The following AK7 variants were observed in gnomAD, a reference collection of about 807,000 sequenced individuals.
The protein encoded by AK7 is ATP-AMP transphosphorylase 7.
A neutral mutation model predicts 96.6 loss-of-function variants in AK7; 78 were observed. The ratio of observed to expected loss-of-function variants is 0.81; its 90% CI spans 0.67 to 0.97. AK7 has a LOEUF of 0.97. AK7 is among the 50% of genes least tolerant of loss of function. AK7 has a pLI of 0.00. For missense variants in AK7, 855 were observed against 887.9 expected (o/e 0.96, Z 0.47); for synonymous variants, 302 against 317.2 (o/e 0.95, Z 0.51).
chr14:96,456,285 A>G (rs905869520), intron 10 of AK7, 62 bp from the exon 11 acceptor site: 60 of 1,406,288 alleles, frequency 4.3e-5, no homozygotes, highest in Non-Finnish European at 5.5e-5. Context: ...ATAAAAAACC[A>G]CTCTGTCTAG....
chr14:96,482,250 C>T (rs1047137515), intron 15 of AK7, among the ~76,000 whole-genome samples: 1 of 152,044 alleles, frequency 6.6e-6, no homozygotes. Flanking sequence ...CAAAACAAAA[C>T]AATAAAAAAC....
At chr14:96,442,927 T>C (rs1043281630) in intron 7 of AK7, 109 bp downstream of exon 7, 1 of 978,232 alleles carries the variant, frequency 1.0e-6, no homozygotes, top group Non-Finnish European at 1.6e-6. Flanking sequence ...ACATGGATTA[T>C]TGTGTTCATT....
chr14:96,420,425 G>A (rs1396793399), intron 4 of AK7, among the ~76,000 whole-genome samples: 1 of 151,934 alleles, frequency 6.6e-6, no homozygotes, highest in Non-Finnish European at 1.5e-5. Context: ...AACCTGGGAG[G>A]TGGAGGTTGC....
intron 12 of AK7, among the ~76,000 whole-genome samples, chr14:96,468,872 GC>G (rs1486695166): frequency 1.3e-5 from 2 of 151,244 alleles, no homozygotes; most frequent in African/African-American, 4.9e-5. Flanking sequence ...ATTTTTAAAA[GC>G]TATGTAGGAG....
Position 96,478,611 on chromosome 14 carries a change from G to C in AK7, c.1702G>C (p.Glu568Gln). The C allele has an allele frequency of 6.2e-7, 1 of 1,614,188 alleles. No homozygotes were observed. The highest frequency in any genetic ancestry group is 1.1e-5 in the South Asian group (1 of 91,078). Residue 568 changes from glutamate (E) to glutamine (Q), a missense_variant, in exon 15 of 18, where the codon GAG becomes CAG. Transcript: ENST00000267584. ...CTACCGGGACATCAATATCGACGAT[G>C]AGACTGTCTTCAACTATTTTGATGA... ...SNYRDINIDD[E>Q]TVFNYFDELE...
chr14:96,446,169 G>GGTCCTGCTGGGGGCCT (rs1893220281), intron 7 of AK7, among the ~76,000 whole-genome samples: 1 of 142,694 alleles, frequency 7.0e-6, no homozygotes, highest in African/African-American at 3.0e-5. Flanking sequence ...CATAAACTGG[G>GGTCCTGCTGGGGGCCT]GTCCTGCTGG....
At chr14:96,484,979 T>C (rs1233196777) in intron 16 of AK7, among the ~76,000 whole-genome samples, 1 of 152,178 alleles carries the variant, frequency 6.6e-6, no homozygotes, top group Non-Finnish European at 1.5e-5. Flanking sequence ...CACACATCTT[T>C]GGGTGCCTGA....
chr14:96,427,320 G>A (rs1226699360), intron 5 of AK7, among the ~76,000 whole-genome samples: 1 of 152,188 alleles, frequency 6.6e-6, no homozygotes, highest in Non-Finnish European at 1.5e-5. Flanking sequence ...GCATGTTTGG[G>A]GAGGCCTCAG....
At chr14:96,449,405 C>T (rs1404996620) in intron 8 of AK7, among the ~76,000 whole-genome samples, 2 of 151,244 alleles carry the variant, frequency 1.3e-5, no homozygotes, top group Non-Finnish European at 2.9e-5. Context: ...CAATTATGTT[C>T]ACATTCATTT....
intron 12 of AK7, among the ~76,000 whole-genome samples, chr14:96,465,835 C>A (rs552478875): frequency 7.6e-4 from 115 of 151,952 alleles, no homozygotes; most frequent in Non-Finnish European, 1.5e-3. Flanking sequence ...GATGGTGAAA[C>A]CCTGTCTCTA....
At position 96,483,146 on chromosome 14, in the gene AK7, C is replaced by A; in HGVS notation, c.1901C>A (p.Ala634Asp). The change falls in exon 16 of 18, where the codon GCT (alanine) becomes GAT (aspartate). Residue 634 changes from alanine (A) to aspartate (D), a missense_variant. By Grantham distance (126) the Ala-to-Asp change is moderately radical. Coordinates refer to ENST00000267584, the MANE Select transcript of AK7 (RefSeq NM_152327.5). ...KAAEERLARE[A>D]AEEAEREHQE... ...GCGGAGGAGCGGCTGGCCAGGGAGG[C>A]TGCTGAGGAAGCAGAACGCGAGCAC... 2 of 1,613,932 alleles carry A rather than the reference C, an allele frequency of 1.2e-6. No individual in the cohort carries two copies. The highest frequency in any genetic ancestry group is 1.7e-6 in the Non-Finnish European group (2 of 1,179,968).
At chr14:96,419,401 G>A (rs1268332804) in intron 4 of AK7, among the ~76,000 whole-genome samples, 1 of 152,200 alleles carries the variant, frequency 6.6e-6, no homozygotes, top group Non-Finnish European at 1.5e-5. Context: ...AGGCCAAGGA[G>A]GGGGGATTGC....
intron 6 of AK7, among the ~76,000 whole-genome samples, chr14:96,442,303 G>A (rs923841999): frequency 2.0e-5 from 3 of 152,142 alleles, no homozygotes; most frequent in African/African-American, 7.2e-5. Context: ...CTACTGGTGG[G>A]GGTAATTTTA....
rs59424847 is a variant in AK7 at position 96,483,410 on chromosome 14, G to GT, written c.1974+204dup. ...AAGGATATCCATGGTCTTTTGCTTA[G>GT]TTTTTTTTTTTTTCTTTTTCTTTTT... On this transcript the variant is annotated intron_variant, in intron 16 of 17. Transcript: ENST00000267584. Among the ~76,000 whole-genome samples the GT allele has an allele frequency of 4.6e-3, 673 of 146,258 alleles. 2 individuals carry two copies. The highest frequency in any genetic ancestry group is 6.1e-3 in the African/African-American group (244 of 40,134).
chr14:96,480,877 A>T (rs1014689210), intron 15 of AK7, among the ~76,000 whole-genome samples: 3 of 152,178 alleles, frequency 2.0e-5, no homozygotes. Context: ...GGAGATGGGG[A>T]GGGCGTCTCA....
intron 16 of AK7, 91 bp downstream of exon 16, chr14:96,483,310 C>T: frequency 7.8e-7 from 1 of 1,289,104 alleles, no homozygotes; most frequent in Non-Finnish European, 1.1e-6. Flanking sequence ...CACTTCCCAT[C>T]CTGCTCTAGG....
At chr14:96,431,111 T>A (rs1179436802) in intron 5 of AK7, among the ~76,000 whole-genome samples, 1 of 152,164 alleles carries the variant, frequency 6.6e-6, no homozygotes, top group Non-Finnish European at 1.5e-5. Context: ...CAATATCCCC[T>A]TTGTCATTTT....
intron 2 of AK7, among the ~76,000 whole-genome samples, chr14:96,402,748 C>G (rs1351312916): frequency 6.6e-6 from 1 of 151,872 alleles, no homozygotes; most frequent in Non-Finnish European, 1.5e-5. Flanking sequence ...TCCCCCACCC[C>G]CAAGAGATAT....
intron 11 of AK7, chr14:96,456,708 C>T: frequency 2.7e-6 from 1 of 371,524 alleles, no homozygotes; most frequent in Non-Finnish European, 5.0e-6. Flanking sequence ...AGAGCTTCTT[C>T]ACAGCCTGTT....
Sources: gnomAD v4.1 joint callset for allele counts (sites outside exome capture counted in the v4.1 genomes callset) on GRCh38, gnomAD v4.1.1 for gene constraint, MANE v1.5 for transcripts, NCBI Gene and HGNC (gene_info 2026-07-23, HGNC 2026-07-21) for gene names.